Variants in MAP3K10 observed in about 807,000 individuals in gnomAD.
MAP3K10 encodes MKN28 derived nonreceptor_type serine/threonine kinase.
Under a neutral mutation model 75.0 loss-of-function variants are expected in MAP3K10, and 22 were observed. The observed-to-expected ratio is 0.29, with a 90% CI of 0.21 to 0.42. MAP3K10 has a LOEUF of 0.42. Ranked by LOEUF, MAP3K10 falls within the 10% of genes least tolerant of loss-of-function variation. MAP3K10 has a pLI of 1.00. For missense variants in MAP3K10, 1,165 were observed against 1,379.8 expected (o/e 0.84, Z 2.47); for synonymous variants, 599 against 612.9 (o/e 0.98, Z 0.34).
Position 40,205,764 on chromosome 19 carries a change from C to T in MAP3K10, c.1189-147C>T, listed in dbSNP as rs528766533. The stretch of plus-strand genomic sequence containing the variant: ...CTGCCCTGGCACCCAGCTTGGCTAG[C>T]AAAGCATGAGTCGGGTGGTGAAACC... On this transcript the variant is annotated intron_variant, in intron 4 of 9. Transcript: ENST00000253055. The surrounding 1 kb of genome is among the most constrained non-coding windows in gnomAD (Gnocchi z 4.3). The T allele has an allele frequency of 1.7e-4, 152 of 870,880 alleles. No homozygotes were observed. In the African/African-American group the frequency reaches 2.2e-3, roughly 13 times the overall value. 53.9% of individuals were successfully genotyped at this position (870,880 alleles called of 1,614,324 possible). A position where few individuals can be genotyped will look rare whatever the true frequency, so the allele number is the denominator to read the frequency against.
At chr19:40,214,614 C>T (rs532246345) in intron 9 of MAP3K10, among the ~76,000 whole-genome samples, 6 of 152,172 alleles carry the variant, frequency 3.9e-5, no homozygotes, top group Non-Finnish European at 8.8e-5. Flanking sequence ...TTGCTCCTCA[C>T]CTGCGTGGTG....
chr19:40,192,807 CTG>C lies in MAP3K10; in HGVS notation c.682+97_682+98del, dbSNP rs1201199219. 13 of 1,021,560 alleles carry C rather than the reference CTG, an allele frequency of 1.3e-5. No homozygotes were observed. Among genetic ancestry groups the C allele is most frequent in the Non-Finnish European group, 1.8e-5 (13 of 723,218 alleles). The allele number at this position is 1,021,560 out of a possible 1,614,324, so 63.3% of individuals were successfully genotyped here. A position where few individuals can be genotyped will look rare whatever the true frequency, so the allele number is the denominator to read the frequency against. ...ACAGGGTGAGGGACACCAGATGACA[CTG>C]TGCCTGGAGTGAGAAGGGGCAGCAG... On this transcript the variant is annotated intron_variant, in intron 1 of 9. Coordinates refer to ENST00000253055, the MANE Select transcript of MAP3K10 (RefSeq NM_002446.4). The surrounding 1 kb of genome is among the most constrained non-coding windows in gnomAD (Gnocchi z 7.1).
Position 40,212,761 on chromosome 19 carries a change from G to A in MAP3K10, c.1553-44G>A. The A allele has an allele frequency of 6.4e-7, 1 of 1,561,108 alleles. No individual in the cohort carries two copies. The highest frequency in any genetic ancestry group is 8.7e-7 in the Non-Finnish European group (1 of 1,153,804). ...CACTGGAGGCTGGGAGCCCAGTGGG[G>A]ACAGATCCTCCACCCAGTAACCAAG... On this transcript the variant is annotated intron_variant, in intron 6 of 9. Coordinates refer to ENST00000253055, the MANE Select transcript of MAP3K10 (RefSeq NM_002446.4). This position sits in a 1 kb window ranked among gnomAD's most constrained non-coding sequence, Gnocchi z 4.2.
intron 1 of MAP3K10, among the ~76,000 whole-genome samples, chr19:40,194,625 T>C (rs1309030400): frequency 3.3e-5 from 5 of 152,172 alleles, no homozygotes; most frequent in African/African-American, 1.2e-4. Flanking sequence ...CCCGGGGTGA[T>C]GGGTCTGCTC....
chr19:40,195,470 C>A (rs1284587870), intron 1 of MAP3K10, among the ~76,000 whole-genome samples: 3 of 50,198 alleles, frequency 6.0e-5, no homozygotes, highest in Non-Finnish European at 1.5e-4. Context: ...GCCCGCCCGG[C>A]CTTTTTTTTT....
chr19:40,195,581 C>T (rs970902728), intron 1 of MAP3K10, among the ~76,000 whole-genome samples: 2 of 144,524 alleles, frequency 1.4e-5, no homozygotes, highest in East Asian at 4.2e-4. Flanking sequence ...GAACCTTCCG[C>T]CTCCCGGGTT....
chr19:40,213,777 G>A lies in MAP3K10; in HGVS notation c.2098G>A (p.Glu700Lys). The A allele has an allele frequency of 8.4e-7, 1 of 1,195,834 alleles. No individual in the cohort carries two copies. The highest frequency in any genetic ancestry group is 1.0e-6 in the Non-Finnish European group (1 of 960,040). The allele number at this position is 1,195,834 out of a possible 1,614,324, so 74.1% of individuals were successfully genotyped here. A position where few individuals can be genotyped will look rare whatever the true frequency, so the allele number is the denominator to read the frequency against. The change falls in exon 9 of 10, where the codon GAG becomes AAG. Residue 700 changes from glutamate to lysine, a missense_variant. By Grantham distance (56) the Glu-to-Lys change is moderately conservative. Coordinates refer to ENST00000253055, the MANE Select transcript of MAP3K10 (RefSeq NM_002446.4). This position sits in a 1 kb window ranked among gnomAD's most constrained non-coding sequence, Gnocchi z 5.7. ...DVAEARAADG[E>K]EQRRWLDGLF... ...GGCCGAGGCGCGCGCGGCCGACGGT[G>A]AGGAGCAGCGGCGCTGGCTCGACGG...
chr19:40,197,475 A>G (rs530218901), intron 1 of MAP3K10, among the ~76,000 whole-genome samples: 8 of 152,198 alleles, frequency 5.3e-5, no homozygotes, highest in Admixed American at 2.0e-4. Flanking sequence ...ACAGGTGAGC[A>G]CCATGATGCT....
chr19:40,215,266 C>G lies in MAP3K10; in HGVS notation c.2839C>G (p.Leu947Val). 6.4e-7 allele frequency: 1 copy of G among 1,550,962 alleles called. No individual in the cohort carries two copies. The highest frequency in any genetic ancestry group is 2.0e-5 in the Admixed American group (1 of 51,224). The change falls in exon 10 of 10, where the codon CTG (leucine) becomes GTG (valine). Residue 947 changes from leucine to valine, a missense_variant. Leu to Val is a conservative substitution (Grantham distance 32). Coordinates refer to ENST00000253055, the MANE Select transcript of MAP3K10 (RefSeq NM_002446.4). ...GCAGAACCAAGACAGCACAGTGCCC[C>G]TGTGCGGGGCCCACGGCTCCCACTA... ...EGQNQDSTVP[L>V]CGAHGSH
chr19:40,213,011 C>T lies in MAP3K10; in HGVS notation c.1724+35C>T. 2 of 1,591,442 alleles carry T rather than the reference C, an allele frequency of 1.3e-6. No homozygotes were observed. Among genetic ancestry groups the T allele is most frequent in the Non-Finnish European group, 1.7e-6 (2 of 1,167,302 alleles). Reference sequence around the variant, plus strand: ...GGTGTGGTCATGCCCACCCTGTGCCCAAGCCCCAGCTCCCAGGCTCCAGGC... The same window carrying T: ...GGTGTGGTCATGCCCACCCTGTGCCTAAGCCCCAGCTCCCAGGCTCCAGGC... On this transcript the variant is annotated intron_variant, in intron 7 of 9. Transcript: ENST00000253055. This position sits in a 1 kb window ranked among gnomAD's most constrained non-coding sequence, Gnocchi z 5.7.
In MAP3K10 at chr19:40,212,108, T is replaced by C. The variant is rs1218626160; in HGVS notation, c.1553-697T>C. On this transcript the variant is annotated intron_variant, in intron 6 of 9. Coordinates refer to ENST00000253055, the MANE Select transcript of MAP3K10 (RefSeq NM_002446.4). This position sits in a 1 kb window ranked among gnomAD's most constrained non-coding sequence, Gnocchi z 4.2. ...ACTGAGGGAATCAAATTGACCTTTT[T>C]CCCTCTGGCTGCTGTAAGAAATAAA... Among the ~76,000 whole-genome samples the C allele has an allele frequency of 6.6e-6, 1 of 152,158 alleles. No individual in the cohort carries two copies. The highest frequency in any genetic ancestry group is 2.4e-5 in the African/African-American group (1 of 41,440).
intron 6 of MAP3K10, among the ~76,000 whole-genome samples, chr19:40,211,558 C>G (rs1261747990): frequency 4.0e-5 from 6 of 150,426 alleles, no homozygotes; most frequent in African/African-American, 1.5e-4. Context: ...CCCCAGTGTC[C>G]GTTGTTCCCC....
In MAP3K10 at chr19:40,211,947, A is replaced by G. The variant is rs542168314; in HGVS notation, c.1553-858A>G. On this transcript the variant is annotated intron_variant, in intron 6 of 9. Transcript: ENST00000253055. ...ACCATGTTGGCCAGGCTGGTCTCCA[A>G]CTCCTGACCTCAAGTGATTCTTCTG... 6.8e-4 allele frequency among the ~76,000 whole-genome samples: 104 copies of G among 151,950 alleles called. 1 individual carries two copies. Among genetic ancestry groups the G allele is most frequent in the African/African-American group, 1.7e-3 (72 of 41,402 alleles).
intron 2 of MAP3K10, among the ~76,000 whole-genome samples, chr19:40,201,425 C>G (rs1973016778): frequency 6.6e-6 from 1 of 151,262 alleles, no homozygotes; most frequent in African/African-American, 2.4e-5. Context: ...GATCTCTTGA[C>G]CTCATGATCT....
In MAP3K10 at chr19:40,191,974, C is replaced by T. The variant is rs1972822563; in HGVS notation, c.-58C>T. ...CATCCCGGCCGCCGGGGCCCGCCCT[C>T]TGCATCCCGCGGGCAGCCTGTGTGA... On this transcript the variant is annotated 5_prime_UTR_variant, in exon 1 of 10. Coordinates refer to ENST00000253055, the MANE Select transcript of MAP3K10 (RefSeq NM_002446.4). The T allele has an allele frequency of 1.6e-6, 2 of 1,244,008 alleles. No individual in the cohort carries two copies. The highest frequency in any genetic ancestry group is 1.7e-5 in the South Asian group (1 of 60,432). The allele number at this position is 1,244,008 out of a possible 1,614,324, so 77.1% of individuals were successfully genotyped here.
chr19:40,205,982 G>A lies in MAP3K10; in HGVS notation c.1260G>A (p.Arg420=), dbSNP rs768342095. The A allele has an allele frequency of 8.7e-6, 14 of 1,610,596 alleles. No individual in the cohort carries two copies. The Admixed American group carries it at 2.3e-4, about 27-fold the overall frequency. The change falls in exon 5 of 10, where the codon CGG becomes CGA. Residue 420 remains arginine (R), a synonymous_variant. Coordinates refer to ENST00000253055, the MANE Select transcript of MAP3K10 (RefSeq NM_002446.4). The surrounding 1 kb of genome is among the most constrained non-coding windows in gnomAD (Gnocchi z 4.3). ...AGCGCTTCCAGGAGGAGCAGCTGCGGCGGCGGGAGCAGGAGCTGGCAGAAC... is the reference window on the plus strand; with the variant it reads ...AGCGCTTCCAGGAGGAGCAGCTGCGACGGCGGGAGCAGGAGCTGGCAGAAC... ...QEQRFQEEQL[R]RREQELAERE...
In MAP3K10 at chr19:40,213,563, C is replaced by G. The variant is rs544988529; in HGVS notation, c.1884C>G (p.Ser628=). The change falls in exon 9 of 10, where the codon TCC becomes TCG. Residue 628 remains serine, a synonymous_variant. Coordinates refer to ENST00000253055, the MANE Select transcript of MAP3K10 (RefSeq NM_002446.4). The surrounding 1 kb of genome is among the most constrained non-coding windows in gnomAD (Gnocchi z 5.7). ...AEDGGSSVPP[S]PYSTPSYLSV... Reference sequence around the variant, plus strand: ...ATGGAGGCAGCAGCGTGCCCCCTTCCCCCTACTCGACCCCGTCCTACCTCT... The same window carrying G: ...ATGGAGGCAGCAGCGTGCCCCCTTCGCCCTACTCGACCCCGTCCTACCTCT... 1 of 1,611,486 alleles carries G rather than the reference C, an allele frequency of 6.2e-7. No individual in the cohort carries two copies. Among genetic ancestry groups the G allele is most frequent in the Admixed American group, 1.7e-5 (1 of 59,910 alleles).
chr19:40,194,272 C>T (rs573751071), intron 1 of MAP3K10, among the ~76,000 whole-genome samples: 4 of 152,180 alleles, frequency 2.6e-5, no homozygotes, highest in South Asian at 4.1e-4. Flanking sequence ...GCAGAAGAAT[C>T]GCTTGAAACC....
rs1354242623 is a variant in MAP3K10, at chr19:40,191,814, C to G, written c.-218C>G. On this transcript the variant is annotated 5_prime_UTR_variant, in exon 1 of 10. Coordinates refer to ENST00000253055, the MANE Select transcript of MAP3K10 (RefSeq NM_002446.4). Reference sequence around the variant, plus strand: ...GTGAACCTGCCGCCCCACTCCCACCCCGCCCCGCCCCGCCCGTACAGCCAA... The same window carrying G: ...GTGAACCTGCCGCCCCACTCCCACCGCGCCCCGCCCCGCCCGTACAGCCAA... The G allele has an allele frequency of 6.1e-6, 1 of 163,162 alleles. No individual in the cohort carries two copies. The highest frequency in any genetic ancestry group is 1.3e-5 in the Non-Finnish European group (1 of 76,008). 10.1% of individuals were successfully genotyped at this position (163,162 alleles called of 1,614,324 possible).
Sources: allele counts gnomAD v4.1 joint callset (sites outside exome capture counted in the v4.1 genomes callset), GRCh38; gene constraint gnomAD v4.1.1; non-coding constraint Gnocchi (gnomAD v3.1); transcripts MANE v1.5; gene names NCBI Gene and HGNC (gene_info 2026-07-23, HGNC 2026-07-21).